BACH2: variants seen among roughly 807,000 people sequenced by gnomAD.
BACH2 encodes transcription regulator protein BACH2.
Under a neutral mutation model 61.8 loss-of-function variants are expected in BACH2, and 5 were observed. The ratio of observed to expected loss-of-function variants is 0.08; its 90% CI spans 0.04 to 0.17. The LOEUF (loss-of-function observed/expected upper bound fraction) is 0.17. BACH2 is among the 10% of genes least tolerant of loss of function. The pLI, the probability that BACH2 is intolerant of heterozygous loss-of-function variation, is 1.00. For synonymous variants in BACH2, 446 were observed against 440.1 expected (o/e 1.01, Z -0.17); for missense variants, 824 against 1,091.1 (o/e 0.76, Z 3.45).
chr6:89,946,748 A>G (rs1428054878), intron 7 of BACH2, among the ~76,000 whole-genome samples: 2 of 152,164 alleles, frequency 1.3e-5, no homozygotes, highest in African/African-American at 4.8e-5. Flanking sequence ...AGGTGAATAT[A>G]TATTTGTATA....
rs1292938639 is a variant in BACH2 at position 90,073,806 on chromosome 6, TC to T, written c.-13+15154del. Among the ~76,000 whole-genome samples, 7 of 152,326 alleles carry T rather than the reference TC, an allele frequency of 4.6e-5. No individual in the cohort carries two copies. The South Asian group carries it at 1.5e-3, about 32-fold the overall frequency. ...AAATTTCCCTTCAGAGCAGGATTAT[TC>T]CCTCTCCATGCTCCACCCATGTCAG... On this transcript the variant is annotated intron_variant, in intron 5 of 8. Transcript: ENST00000257749.
intron 4 of BACH2, among the ~76,000 whole-genome samples, chr6:90,148,184 A>G (rs1158193319): frequency 1.3e-5 from 2 of 152,268 alleles, no homozygotes; most frequent in South Asian, 2.1e-4. Context: ...CCATTCAAGG[A>G]GTTTAAAAAC....
At chr6:90,109,165 A>AT (rs557285708) in intron 4 of BACH2, among the ~76,000 whole-genome samples, 4 of 151,516 alleles carry the variant, frequency 2.6e-5, no homozygotes, top group Non-Finnish European at 4.4e-5. Context: ...CCTGTTGTAG[A>AT]TTTTTTTTTG....
At chr6:90,261,759 T>C (rs905438088) in intron 2 of BACH2, among the ~76,000 whole-genome samples, 4 of 152,186 alleles carry the variant, frequency 2.6e-5, no homozygotes, top group African/African-American at 9.7e-5. Context: ...ATATCGCCCC[T>C]TGATCTCACG....
intron 6 of BACH2, among the ~76,000 whole-genome samples, chr6:89,977,551 G>A (rs956988658): frequency 2.6e-5 from 4 of 152,118 alleles, no homozygotes; most frequent in South Asian, 4.1e-4. Flanking sequence ...TACTAAAAAC[G>A]GTGTAAGAAC....
At chr6:90,100,738 C>G (rs1198101294) in intron 4 of BACH2, among the ~76,000 whole-genome samples, 1 of 151,568 alleles carries the variant, frequency 6.6e-6, no homozygotes, top group Non-Finnish European at 1.5e-5. Context: ...GACACACACA[C>G]ACACACACAC....
intron 6 of BACH2, among the ~76,000 whole-genome samples, chr6:89,988,357 C>T (rs1311146838): frequency 1.3e-5 from 2 of 152,178 alleles, no homozygotes; most frequent in East Asian, 3.8e-4. Flanking sequence ...GTCAGTCACA[C>T]AGACCCACAG....
rs571369775 is a variant in BACH2 at position 90,214,746 on chromosome 6, T to C, written c.-274-8065A>G. On this transcript the variant is annotated intron_variant, in intron 3 of 8. Coordinates refer to ENST00000257749, the MANE Select transcript of BACH2 (RefSeq NM_021813.4). ...CTCTGCTTTTCTGGGGCTTAGATTC[T>C]GTTCCTTTTTTTTTTTTTTTTTTTT... is the stretch of plus-strand genomic sequence containing the variant. Among the ~76,000 whole-genome samples the C allele has an allele frequency of 1.3e-4, 19 of 147,880 alleles. No homozygotes were observed. The East Asian group carries it at 2.0e-3, about 15-fold the overall frequency.
At chr6:90,066,239 T>C (rs1245769631) in intron 5 of BACH2, among the ~76,000 whole-genome samples, 1 of 152,094 alleles carries the variant, frequency 6.6e-6, no homozygotes, top group Non-Finnish European at 1.5e-5. Context: ...CCAAACCTCA[T>C]GATCAAAGAA....
chr6:90,262,219 G>A (rs1293811228), intron 2 of BACH2, among the ~76,000 whole-genome samples: 1 of 152,160 alleles, frequency 6.6e-6, no homozygotes, highest in Admixed American at 6.5e-5. Flanking sequence ...CATACAATGT[G>A]GCATATGTTT....
At chr6:90,022,598 G>A (rs752674434) in intron 5 of BACH2, among the ~76,000 whole-genome samples, 5 of 152,150 alleles carry the variant, frequency 3.3e-5, no homozygotes, top group East Asian at 1.9e-4. Context: ...ATGAATGAAC[G>A]AATGAACGAA....
Position 89,951,206 on chromosome 6 carries a change from G to C in BACH2, c.900C>G (p.Ala300=). The change falls in exon 7 of 9, where the codon GCC becomes GCG. Residue 300 remains alanine (A), a synonymous_variant. Coordinates refer to ENST00000257749, the MANE Select transcript of BACH2 (RefSeq NM_021813.4). This position sits in a 1 kb window ranked among gnomAD's most constrained non-coding sequence, Gnocchi z 6.4. ...TLCLSGDEPD[A]KDRAGDVEMD... Reference sequence around the variant, plus strand: ...TCTCGACATCCCCCGCTCTGTCCTTGGCGTCAGGCTCATCTCCAGACAGGC... The same window carrying C: ...TCTCGACATCCCCCGCTCTGTCCTTCGCGTCAGGCTCATCTCCAGACAGGC... 1 of 1,613,932 alleles carries C rather than the reference G, an allele frequency of 6.2e-7. No individual in the cohort carries two copies.
intron 2 of BACH2, among the ~76,000 whole-genome samples, chr6:90,260,399 T>C (rs777967459): frequency 1.4e-4 from 22 of 152,364 alleles, no homozygotes; most frequent in Middle Eastern, 3.4e-3. Context: ...TATACCACTG[T>C]GGTTTGAAGT....
chr6:90,223,537 C>A (rs1353252412), intron 3 of BACH2, among the ~76,000 whole-genome samples: 1 of 152,136 alleles, frequency 6.6e-6, no homozygotes, highest in Admixed American at 6.6e-5. Flanking sequence ...GGCGTGATCT[C>A]AGCTCACTGC....
At chr6:90,132,260 T>A (rs977959368) in intron 4 of BACH2, among the ~76,000 whole-genome samples, 1 of 152,176 alleles carries the variant, frequency 6.6e-6, no homozygotes, top group Non-Finnish European at 1.5e-5. Context: ...TTGGTCTTCG[T>A]CTATTTTTTC....
chr6:90,248,334 T>C (rs1458881009), intron 3 of BACH2, among the ~76,000 whole-genome samples: 1 of 152,214 alleles, frequency 6.6e-6, no homozygotes, highest in Non-Finnish European at 1.5e-5. Flanking sequence ...TATTATTCAA[T>C]AACTCTTCCT....
intron 6 of BACH2, among the ~76,000 whole-genome samples, chr6:89,953,898 G>C (rs2128357543): frequency 6.6e-6 from 1 of 152,306 alleles, no homozygotes; most frequent in Non-Finnish European, 1.5e-5. Flanking sequence ...GTATTAAAAA[G>C]GAGGTCTGAC....
rs55909084 is a variant in BACH2, at chr6:89,930,114, G to GACACACACACACACACACACACAC, written c.*2270_*2293dup. 1 of 118,956 alleles carries GACACACACACACACACACACACAC rather than the reference G, an allele frequency of 8.4e-6. No homozygotes were observed. The highest frequency in any genetic ancestry group is 1.7e-5 in the Non-Finnish European group (1 of 58,834). The allele number at this position is 118,956 out of a possible 1,614,324, so 7.4% of individuals were successfully genotyped here. On this transcript the variant is annotated 3_prime_UTR_variant, in exon 9 of 9. Transcript: ENST00000257749. ...CAGAGCTTTATCAAGATCTGTTTCA[G>GACACACACACACACACACACACAC]ACACACACACACACACACACACACA...
chr6:90,115,441 T>C (rs531261474), intron 4 of BACH2, among the ~76,000 whole-genome samples: 3 of 152,248 alleles, frequency 2.0e-5, no homozygotes, highest in African/African-American at 4.8e-5. Context: ...ATTCAATAAA[T>C]GGTGCTGGGA....
Sources: allele counts gnomAD v4.1 joint callset (sites outside exome capture counted in the v4.1 genomes callset), GRCh38; gene constraint gnomAD v4.1.1; non-coding constraint Gnocchi (gnomAD v3.1); transcripts MANE v1.5; gene names NCBI Gene and HGNC (gene_info 2026-07-23, HGNC 2026-07-21).